The following SGSH variants were observed in gnomAD, a reference collection of about 807,000 sequenced individuals.
SGSH encodes N-sulfoglucosamine sulfohydrolase.
In SGSH, 48 loss-of-function variants were observed where a neutral mutation model predicts 51.0. That is an observed-to-expected ratio of 0.94 (90% confidence interval 0.75 to 1.20). The LOEUF is 1.20. SGSH is among the 50% of genes most tolerant of loss of function. The pLI is 0.00. For missense variants in SGSH, 662 were observed against 717.8 expected (o/e 0.92, Z 0.89); for synonymous variants, 321 against 313.4 (o/e 1.02, Z -0.26).
At position 80,217,208 on chromosome 17, in the gene SGSH, G is replaced by A. The variant is rs1038460314; in HGVS notation, c.89-16C>T. ...CCGTCATCCGCTGCGTGAGGTGGGA[G>A]ACAGAGAGTGCACGGTCGGCTGCGG... is the stretch of plus-strand genomic sequence containing the variant. On this transcript the variant is annotated splice_polypyrimidine_tract_variant and intron_variant, in intron 1 of 7. Transcript: ENST00000326317. 11 of 1,593,404 alleles carry A rather than the reference G, an allele frequency of 6.9e-6. No homozygotes were observed. Among genetic ancestry groups the A allele is most frequent in the African/African-American group, 2.7e-5 (2 of 75,028 alleles).
In SGSH at chr17:80,217,121, C is replaced by T. The variant is rs1195272163; in HGVS notation, c.160G>A (p.Ala54Thr). The T allele has an allele frequency of 4.4e-6, 7 of 1,600,658 alleles. No homozygotes were observed. In the South Asian group the frequency reaches 7.8e-5, roughly 18 times the overall value. ...AIATPHLDAL[A>T]RRSLLFRNAF... ...TTGCGAAAGAGGAGGCTGCGGCGGG[C>T]CAAGGCGTCCAGGTGCGGGGTGGCG... The change falls in exon 2 of 8, where the codon GCC becomes ACC. Residue 54 changes from alanine to threonine, a missense_variant. Ala to Thr is a moderately conservative substitution (Grantham distance 58). Transcript: ENST00000326317.
chr17:80,202,343 C>T, downstream of SGSH: 6 of 1,613,556 alleles, frequency 3.7e-6, no homozygotes, highest in Non-Finnish European at 5.1e-6. Context: ...AGGGCTGCGG[C>T]TGCTGGCATG....
downstream of SGSH, chr17:80,204,153 C>G (rs2041144409): frequency 7.0e-7 from 1 of 1,436,436 alleles, no homozygotes; most frequent in Non-Finnish European, 9.4e-7. Flanking sequence ...TAGTGCCAAT[C>G]ATCTCCCCTG....
chr17:80,217,587 G>T (rs1210015925), intron 1 of SGSH, among the ~76,000 whole-genome samples: 3 of 146,040 alleles, frequency 2.1e-5, no homozygotes, highest in Non-Finnish European at 4.4e-5. Context: ...CTGATACCCA[G>T]TGGGTATGTT....
At position 80,214,555 on chromosome 17, in the gene SGSH, C is replaced by T. The variant is rs186598534; in HGVS notation, c.506+60G>A. ...GGGGCCCATGCATCCCGCCGGAAGA[C>T]TCCGGGCTGTGCTCTGGTACCGGCC... On this transcript the variant is annotated intron_variant, in intron 4 of 7. Coordinates refer to ENST00000326317, the MANE Select transcript of SGSH (RefSeq NM_000199.5). 4,544 of 1,562,524 alleles carry T rather than the reference C, an allele frequency of 2.9e-3. 12 individuals are homozygous for T. The highest frequency in any genetic ancestry group is 3.5e-3 in the Non-Finnish European group (4,014 of 1,146,462).
chr17:80,217,223 G>A (rs748160285), intron 1 of SGSH, 31 bp from the exon 2 acceptor site: 1 of 1,583,014 alleles, frequency 6.3e-7, no homozygotes, highest in African/African-American at 1.3e-5. Flanking sequence ...AGAGTGCACG[G>A]TCGGCTGCGG....
At chr17:80,211,070 G>A (rs568359164) in intron 7 of SGSH, 59 bp from the exon 8 acceptor site, 241 of 1,590,560 alleles carry the variant, frequency 1.5e-4, no homozygotes, top group African/African-American at 6.1e-4. Context: ...AGCTGCCCTC[G>A]GAAGGGCCGA....
At chr17:80,214,350 G>A in intron 4 of SGSH, 22 bp from the exon 5 acceptor site, 2 of 1,607,962 alleles carry the variant, frequency 1.2e-6, no homozygotes, top group Non-Finnish European at 1.7e-6. Flanking sequence ...GAGGCTCATT[G>A]CCAAGGCTGC....
At chr17:80,204,267 G>A, downstream of SGSH, 1 of 1,600,728 alleles carries the variant, frequency 6.2e-7, no homozygotes, top group South Asian at 1.1e-5. Context: ...CGCATCGTCA[G>A]TATGGACAAA....
At chr17:80,202,721 C>A, downstream of SGSH, 1 of 759,266 alleles carries the variant, frequency 1.3e-6, no homozygotes, top group East Asian at 4.4e-5. Flanking sequence ...GTGGGGCCGT[C>A]CTGGGCACTG....
chr17:80,210,754 A>G lies in SGSH; in HGVS notation c.1207T>C (p.Tyr403His). 1 of 1,614,040 alleles carries G rather than the reference A, an allele frequency of 6.2e-7. No homozygotes were observed. The highest frequency in any genetic ancestry group is 8.5e-7 in the Non-Finnish European group (1 of 1,180,026). The change falls in exon 8 of 8, where the codon TAC (tyrosine) becomes CAC (histidine). Residue 403 changes from tyrosine to histidine, a missense_variant. Physicochemically the swap from Tyr to His is moderately conservative, Grantham distance 83. Coordinates refer to ENST00000326317, the MANE Select transcript of SGSH (RefSeq NM_000199.5). ...KMPFPIDQDF[Y>H]VSPTFQDLLN... Reference sequence around the variant, plus strand: ...AGGTCCTGGAAGGTGGGTGAGACGTAGAAGTCCTGGTCGATGGGAAAGGGC... The same window carrying G: ...AGGTCCTGGAAGGTGGGTGAGACGTGGAAGTCCTGGTCGATGGGAAAGGGC...
Position 80,213,920 on chromosome 17 carries a change from GACA to G in SGSH, c.664-38_664-36del. ...GCGGTGGGGAGCCAGGCTTAGAACAGACAGACCGGGGGAGCGGTGTCCAGCCTT... is the reference window on the plus strand; with the variant it reads ...GCGGTGGGGAGCCAGGCTTAGAACAGGACCGGGGGAGCGGTGTCCAGCCTT... On this transcript the variant is annotated intron_variant, in intron 5 of 7. Coordinates refer to ENST00000326317, the MANE Select transcript of SGSH (RefSeq NM_000199.5). This position sits in a 1 kb window ranked among gnomAD's most constrained non-coding sequence, Gnocchi z 4.6. The G allele has an allele frequency of 6.6e-7, 1 of 1,511,440 alleles. No homozygotes were observed. The highest frequency in any genetic ancestry group is 9.0e-7 in the Non-Finnish European group (1 of 1,112,010). 93.6% of individuals were successfully genotyped at this position (1,511,440 alleles called of 1,614,324 possible).
At position 80,220,306 on chromosome 17, in the gene SGSH, C is replaced by T; in HGVS notation, c.8G>A (p.Cys3Tyr). Reference sequence around the variant, plus strand: ...CAGCGCGCAGCAGGCGGGCACGGGGCAGCTCATGGCGGCGGCGGCTCGGAC... The same window carrying T: ...CAGCGCGCAGCAGGCGGGCACGGGGTAGCTCATGGCGGCGGCGGCTCGGAC... MSCPVPACCALLL... is the reference protein window; with the variant it reads MSYPVPACCALLL... Residue 3 changes from cysteine to tyrosine, a missense_variant, in exon 1 of 8, where the codon TGC becomes TAC. Coordinates refer to ENST00000326317, the MANE Select transcript of SGSH (RefSeq NM_000199.5). The T allele has an allele frequency of 1.3e-6, 2 of 1,493,902 alleles. No homozygotes were observed. The highest frequency in any genetic ancestry group is 1.3e-5 in the South Asian group (1 of 79,896). The allele number at this position is 1,493,902 out of a possible 1,614,324, so 92.5% of individuals were successfully genotyped here.
In SGSH at chr17:80,210,844, A is replaced by G; in HGVS notation, c.1117T>C (p.Ser373Pro). 1 of 1,613,878 alleles carries G rather than the reference A, an allele frequency of 6.2e-7. No individual in the cohort carries two copies. Among genetic ancestry groups the G allele is most frequent in the Non-Finnish European group, 8.5e-7 (1 of 1,180,012 alleles). ...GSQSHHEVTM[S>P]YPMRSVQHRH... The stretch of plus-strand genomic sequence containing the variant: ...TGCTGCACGGAGCGCATGGGGTAGG[A>G]CATGGTGACCTCGTGGTGGCTCTGG... Residue 373 changes from serine to proline, a missense_variant, in exon 8 of 8, where the codon TCC (serine) becomes CCC (proline). Transcript: ENST00000326317.
chr17:80,205,228 C>A (rs1178299203), downstream of SGSH: 20 of 1,588,312 alleles, frequency 1.3e-5, no homozygotes, highest in Admixed American at 3.2e-4. Flanking sequence ...CTGGGAATCC[C>A]TCTACCCCTT....
At chr17:80,206,083 C>T (rs1567905577), downstream of SGSH, 1 of 162,996 alleles carries the variant, frequency 6.1e-6, no homozygotes, top group Non-Finnish European at 1.3e-5. Flanking sequence ...TCACCTCATC[C>T]CCAGAGCTCA....
rs1385540722 is a variant in SGSH, at chr17:80,214,626, A to G, written c.495T>C (p.Thr165=). The change falls in exon 4 of 8, where the codon ACT becomes ACC. Residue 165 remains threonine (T), a synonymous_variant. Transcript: ENST00000326317. ...IKLLVRKFLQ[T]QDDRPFFLYV... is the part of the protein sequence containing the mutation. ...GCCCCGACTCATACCGGTCATCCTGAGTCTGCAGGAATTTCCGGACGAGCA... is the reference window on the plus strand; with the variant it reads ...GCCCCGACTCATACCGGTCATCCTGGGTCTGCAGGAATTTCCGGACGAGCA... The G allele has an allele frequency of 3.1e-6, 5 of 1,613,082 alleles. No homozygotes were observed. The highest frequency in any genetic ancestry group is 4.2e-6 in the Non-Finnish European group (5 of 1,179,850).
downstream of SGSH, chr17:80,208,504 G>A: frequency 1.6e-6 from 1 of 618,904 alleles, no homozygotes; most frequent in East Asian, 2.8e-5. Context: ...CTCACCACGT[G>A]CAGGTCACAC....
downstream of SGSH, chr17:80,207,013 C>G (rs201965466): frequency 3.5e-5 from 56 of 1,613,928 alleles, no homozygotes; most frequent in Middle Eastern, 1.6e-4. Flanking sequence ...AGTGTCTGCA[C>G]CCTGCACAGG....
Sources: gnomAD v4.1 joint callset for allele counts (sites outside exome capture counted in the v4.1 genomes callset) on GRCh38, gnomAD v4.1.1 for gene constraint, Gnocchi (gnomAD v3.1) non-coding constraint, MANE v1.5 for transcripts, NCBI Gene and HGNC (gene_info 2026-07-23, HGNC 2026-07-21) for gene names.